The following UST variants were observed in gnomAD, a reference collection of about 807,000 sequenced individuals.
The protein encoded by UST is uronyl 2-sulfotransferase.
A neutral mutation model predicts 45.6 loss-of-function variants in UST; 21 were observed. The ratio of observed to expected loss-of-function variants is 0.46; its 90% CI spans 0.33 to 0.66. The LOEUF is 0.66. Ranked by LOEUF, UST falls within the 30% of genes least tolerant of loss-of-function variation. UST has a pLI of 0.02. For synonymous variants in UST, 215 were observed against 200.6 expected, an observed-to-expected ratio of 1.07 and a Z score of -0.61; for missense variants, 463 against 512.4, an observed-to-expected ratio of 0.90 and a Z score of 0.93.
intron 7 of UST, among the ~76,000 whole-genome samples, chr6:149,063,513 C>T (rs1279839731): frequency 6.6e-6 from 1 of 152,140 alleles, no homozygotes; most frequent in East Asian, 1.9e-4. Context: ...CAAAAGGCAA[C>T]CAAACCACAA....
intron 5 of UST, among the ~76,000 whole-genome samples, chr6:148,974,529 C>T (rs1188646153): frequency 6.6e-6 from 1 of 152,230 alleles, no homozygotes; most frequent in Non-Finnish European, 1.5e-5. Context: ...TTGATTTCAT[C>T]CCATGTTCTT....
chr6:148,777,346 C>T (rs1026530586), intron 1 of UST, among the ~76,000 whole-genome samples: 1 of 152,178 alleles, frequency 6.6e-6, no homozygotes, highest in Non-Finnish European at 1.5e-5. Flanking sequence ...CAGTTTCTCT[C>T]AGATAATACC....
At chr6:149,069,428 G>A (rs1203064260) in intron 7 of UST, among the ~76,000 whole-genome samples, 1 of 152,136 alleles carries the variant, frequency 6.6e-6, no homozygotes, top group Non-Finnish European at 1.5e-5. Flanking sequence ...TTTAATAATA[G>A]CTATTCTAAC....
intron 1 of UST, among the ~76,000 whole-genome samples, chr6:148,791,003 C>T (rs1201916066): frequency 2.0e-5 from 3 of 152,228 alleles, no homozygotes; most frequent in South Asian, 4.1e-4. Context: ...ACATCAGTGA[C>T]CAGGGTTACA....
At chr6:148,923,794 G>A (rs966937575) in intron 2 of UST, among the ~76,000 whole-genome samples, 2 of 152,120 alleles carry the variant, frequency 1.3e-5, no homozygotes, top group African/African-American at 4.8e-5. Flanking sequence ...TTTGTCCAGG[G>A]CAGGACTTAG....
intron 4 of UST, among the ~76,000 whole-genome samples, chr6:148,959,215 T>C (rs891244205): frequency 6.6e-6 from 1 of 152,268 alleles, no homozygotes; most frequent in Non-Finnish European, 1.5e-5. Flanking sequence ...CTCTGCCCTC[T>C]GATGGCATTA....
rs186747704 is a variant in UST at position 148,990,354 on chromosome 6, C to A, written c.681+25791C>A. ...TAAGATTTGATGCCATGAGATCTTT[C>A]TTTCTTTTAAATCCAAATAGTTAAG... is the stretch of plus-strand genomic sequence containing the variant. On this transcript the variant is annotated intron_variant, in intron 5 of 7. Transcript: ENST00000367463. 14 of 981,442 alleles carry A rather than the reference C, an allele frequency of 1.4e-5. No individual in the cohort carries two copies. The East Asian group carries it at 1.6e-3, about 111-fold the overall frequency. 60.8% of individuals were successfully genotyped at this position (981,442 alleles called of 1,614,324 possible). A position where few individuals can be genotyped will look rare whatever the true frequency, so the allele number is the denominator to read the frequency against.
At chr6:148,829,267 C>T (rs530622786) in intron 1 of UST, among the ~76,000 whole-genome samples, 46 of 152,260 alleles carry the variant, frequency 3.0e-4, no homozygotes, top group African/African-American at 9.4e-4. Context: ...TTTATATGGG[C>T]GTGCACCTCT....
chr6:149,043,047 TTCTTTCC>T (rs1776347920), intron 7 of UST, among the ~76,000 whole-genome samples: 1 of 146,454 alleles, frequency 6.8e-6, no homozygotes, highest in Non-Finnish European at 1.5e-5. Flanking sequence ...CTTTCTTTCC[TTCTTTCC>T]TTCTTTCCTT....
At chr6:148,828,719 T>C (rs1193071124) in intron 1 of UST, among the ~76,000 whole-genome samples, 1 of 152,196 alleles carries the variant, frequency 6.6e-6, no homozygotes, top group Non-Finnish European at 1.5e-5. Context: ...TGATTGTTTA[T>C]TATTATTATT....
At chr6:148,759,493 C>T (rs553815059) in intron 1 of UST, among the ~76,000 whole-genome samples, 1 of 151,440 alleles carries the variant, frequency 6.6e-6, no homozygotes, top group South Asian at 2.1e-4. Flanking sequence ...CACCACTGCA[C>T]TCCAGCCCGG....
At chr6:148,988,535 C>T (rs1426057121) in intron 5 of UST, among the ~76,000 whole-genome samples, 1 of 133,898 alleles carries the variant, frequency 7.5e-6, no homozygotes, top group Non-Finnish European at 1.5e-5. Context: ...GATCACATTA[C>T]TGGACTCCAG....
intron 1 of UST, among the ~76,000 whole-genome samples, chr6:148,793,742 T>C (rs905928126): frequency 2.0e-5 from 3 of 152,220 alleles, no homozygotes; most frequent in African/African-American, 7.2e-5. Flanking sequence ...TAATATAGTA[T>C]GTCTCCTTCT....
At position 149,075,713 on chromosome 6, in the gene UST, G is replaced by A. The variant is rs975534641; in HGVS notation, c.*1597G>A. On this transcript the variant is annotated 3_prime_UTR_variant, in exon 8 of 8. Transcript: ENST00000367463. ...AAGACGATAAACAGCTAGCTAAGAA[G>A]CCGAGGTTCAGTGGTGGCAGCAGGA... is the stretch of plus-strand genomic sequence containing the variant. The A allele has an allele frequency of 6.6e-6, 1 of 152,162 alleles. No homozygotes were observed. Among genetic ancestry groups the A allele is most frequent in the African/African-American group, 2.4e-5 (1 of 41,444 alleles). 9.4% of individuals were successfully genotyped at this position (152,162 alleles called of 1,614,324 possible).
intron 1 of UST, among the ~76,000 whole-genome samples, chr6:148,817,750 A>G (rs1777382846): frequency 6.6e-6 from 1 of 152,222 alleles, no homozygotes. Flanking sequence ...AGTGTTTCTT[A>G]TGAGACCTAA....
intron 5 of UST, among the ~76,000 whole-genome samples, chr6:149,016,095 CTTTA>C (rs1775893703): frequency 1.3e-5 from 2 of 152,288 alleles, no homozygotes; most frequent in South Asian, 2.1e-4. Flanking sequence ...GTCCAGTCAT[CTTTA>C]TTTATATCCT....
At position 148,748,399 on chromosome 6, in the gene UST, T is replaced by TTGTGTGTGTGTGTG. The variant is rs34342100; in HGVS notation, c.247+763_247+776dup. ...GTGCGTCTCAAGCTCAAGTCAAAACTTGTGTGTGTGTGTGTGTGTGTGTGT... is the reference window on the plus strand; with the variant it reads ...GTGCGTCTCAAGCTCAAGTCAAAACTTGTGTGTGTGTGTGTGTGTGTGTGTGTGTGTGTGTGTGT... On this transcript the variant is annotated intron_variant, in intron 1 of 7. Coordinates refer to ENST00000367463, the MANE Select transcript of UST (RefSeq NM_005715.3). The surrounding 1 kb of genome is among the most constrained non-coding windows in gnomAD (Gnocchi z 5.3). Among the ~76,000 whole-genome samples the TTGTGTGTGTGTGTG allele has an allele frequency of 1.9e-4, 24 of 127,616 alleles. No homozygotes were observed. The highest frequency in any genetic ancestry group is 4.3e-4 in the African/African-American group (14 of 32,590). 83.7% of individuals were successfully genotyped at this position (127,616 alleles called of 152,430 possible). A position where few individuals can be genotyped will look rare whatever the true frequency, so the allele number is the denominator to read the frequency against.
At chr6:148,932,105 C>A (rs774456680) in intron 2 of UST, among the ~76,000 whole-genome samples, 1 of 152,278 alleles carries the variant, frequency 6.6e-6, no homozygotes, top group East Asian at 1.9e-4. Context: ...TTTGGCCGAG[C>A]GCGGTGCCTC....
rs776495522 is a variant in UST, at chr6:148,953,924, G to A, written c.500G>A (p.Arg167Gln). Reference sequence around the variant, plus strand: ...GCCGAACAACCCTATTTATTCACTCGACATGTTCATTTCCTCAACTTCTCA... The same window carrying A: ...GCCGAACAACCCTATTTATTCACTCAACATGTTCATTTCCTCAACTTCTCA... ...STAEQPYLFTRHVHFLNFSRF... is the reference protein window; with the variant it reads ...STAEQPYLFTQHVHFLNFSRF... The change falls in exon 4 of 8, where the codon CGA becomes CAA. Residue 167 changes from arginine to glutamine, a missense_variant. Around this residue, in one of 2 missense-constraint regions of UST, gnomAD observed 287 missense variants for 374.2 expected, o/e 0.77. Coordinates refer to ENST00000367463, the MANE Select transcript of UST (RefSeq NM_005715.3). 5 of 1,607,748 alleles carry A rather than the reference G, an allele frequency of 3.1e-6. No individual in the cohort carries two copies. The highest frequency in any genetic ancestry group is 2.7e-5 in the African/African-American group (2 of 74,386).
Sources: gnomAD v4.1 joint callset for allele counts (sites outside exome capture counted in the v4.1 genomes callset) on GRCh38, gnomAD v4.1.1 for gene constraint, gnomAD v4.1.1 regional missense constraint, Gnocchi (gnomAD v3.1) non-coding constraint, MANE v1.5 for transcripts, NCBI Gene and HGNC (gene_info 2026-07-23, HGNC 2026-07-21) for gene names.